Variants in NLGN1 observed in about 807,000 individuals in gnomAD.
NLGN1 encodes neuroligin 1.
NLGN1 carries 12 observed loss-of-function variants against 65.5 expected under a neutral mutation model. That is an observed-to-expected ratio of 0.18 (90% CI 0.12 to 0.30). NLGN1 has a LOEUF of 0.30. Among genes scored for constraint, NLGN1 ranks in the 10% least tolerant of loss-of-function variants. The pLI, the probability that NLGN1 is intolerant of heterozygous loss-of-function variation, is 1.00. For missense variants in NLGN1, 750 were observed against 1,007.1 expected (o/e 0.74, Z 3.46); for synonymous variants, 350 against 359.5 (o/e 0.97, Z 0.30).
chr3:173,575,884 T>C (rs552522514), intron 2 of NLGN1, among the ~76,000 whole-genome samples: 1 of 152,284 alleles, frequency 6.6e-6, no homozygotes, highest in South Asian at 2.1e-4. Flanking sequence ...TTTATCTAGA[T>C]TGTGACAGAG....
intron 4 of NLGN1, among the ~76,000 whole-genome samples, chr3:174,210,792 C>A (rs1736312536): frequency 1.3e-5 from 2 of 152,200 alleles, no homozygotes. Context: ...CAGGACAAAT[C>A]TTCTATATGA....
intron 4 of NLGN1, among the ~76,000 whole-genome samples, chr3:173,901,569 G>T (rs1464679437): frequency 6.6e-6 from 1 of 151,884 alleles, no homozygotes; most frequent in Admixed American, 6.6e-5. Flanking sequence ...CGGTATGTAT[G>T]ATCCTTATTT....
exon 7 of NLGN1, chr3:174,281,204 T>G: frequency 1.2e-6 from 2 of 1,613,228 alleles, no homozygotes; most frequent in Non-Finnish European, 8.5e-7. Context: ...TACCAGGGAT[T>G]CAGCCCTTAC....
chr3:174,053,463 T>A (rs765304184), intron 4 of NLGN1, among the ~76,000 whole-genome samples: 50 of 152,030 alleles, frequency 3.3e-4, no homozygotes, highest in Admixed American at 6.6e-4. Context: ...CATATTTAAT[T>A]GATTCTGTTT....
At chr3:173,438,684 A>G (rs939760479) in intron 2 of NLGN1, among the ~76,000 whole-genome samples, 4 of 152,176 alleles carry the variant, frequency 2.6e-5, no homozygotes, top group Non-Finnish European at 4.4e-5. Context: ...GGGATCATTA[A>G]TAGTCTCTCA....
chr3:174,019,804 C>G lies in NLGN1; in HGVS notation c.646+211972C>G, dbSNP rs4894458. On this transcript the variant is annotated intron_variant, in intron 4 of 6. Coordinates refer to ENST00000457714, the Ensembl canonical transcript of NLGN1. ...TTAGCATTTGGTTTGCATAGTTACG[C>G]ACTAGAACAAATGATTGACTGTAAC... Among the ~76,000 whole-genome samples, 3 of 151,838 alleles carry G rather than the reference C, an allele frequency of 2.0e-5. No individual in the cohort carries two copies. The South Asian group carries it at 6.2e-4, about 31-fold the overall frequency.
chr3:173,597,507 T>G (rs1308457359), intron 2 of NLGN1, among the ~76,000 whole-genome samples: 1 of 152,196 alleles, frequency 6.6e-6, no homozygotes, highest in Non-Finnish European at 1.5e-5. Flanking sequence ...ATTAAGATTC[T>G]CTCTGGTTTC....
chr3:173,938,008 A>G (rs1465446110), intron 4 of NLGN1, among the ~76,000 whole-genome samples: 1 of 152,204 alleles, frequency 6.6e-6, no homozygotes, highest in Admixed American at 6.5e-5. Context: ...CACTTATAAC[A>G]ATAAACATAA....
At chr3:174,174,371 A>C (rs1040385707) in intron 4 of NLGN1, among the ~76,000 whole-genome samples, 1 of 152,034 alleles carries the variant, frequency 6.6e-6, no homozygotes, top group Non-Finnish European at 1.5e-5. Flanking sequence ...TGGTAGTTCT[A>C]CTTTTAGTTG....
Position 173,880,747 on chromosome 3 carries a change from CA to C in NLGN1, c.646+72917del, listed in dbSNP as rs749291927. 4.1e-4 allele frequency among the ~76,000 whole-genome samples: 63 copies of C among 152,186 alleles called. No homozygotes were observed. In the Middle Eastern group the frequency reaches 0.02, roughly 49 times the overall value. On this transcript the variant is annotated intron_variant, in intron 4 of 6. Coordinates refer to ENST00000457714, the Ensembl canonical transcript of NLGN1. ...GCTGCCAAAGCTTGGGTTGCTGTTG[CA>C]ATTTCTTAAAGTAAGACAACAAGGA...
At chr3:173,815,525 A>C (rs747103801) in intron 4 of NLGN1, among the ~76,000 whole-genome samples, 4 of 152,090 alleles carry the variant, frequency 2.6e-5, no homozygotes, top group Non-Finnish European at 5.9e-5. Context: ...AGCACAGGAC[A>C]CAGTTAACCA....
chr3:173,721,857 A>G (rs548064973), intron 3 of NLGN1, among the ~76,000 whole-genome samples: 2 of 151,648 alleles, frequency 1.3e-5, no homozygotes, highest in East Asian at 2.0e-4. Context: ...AGTGGCCCCC[A>G]TTTGGCCAGG....
chr3:173,835,648 G>A (rs1001845611), intron 4 of NLGN1, among the ~76,000 whole-genome samples: 2 of 148,610 alleles, frequency 1.3e-5, no homozygotes, highest in African/African-American at 2.5e-5. Flanking sequence ...TCTCCAAGAA[G>A]ATTTAAAATA....
In NLGN1 at chr3:173,744,971, G is replaced by C. The variant is rs1237998451; in HGVS notation, c.494-62709G>C. 1.3e-5 allele frequency among the ~76,000 whole-genome samples: 2 copies of C among 151,992 alleles called. 1 individual carries two copies. The highest frequency in any genetic ancestry group is 2.9e-5 in the Non-Finnish European group (2 of 68,000). ...TCAGTTGTTCCCAACATTGTTAATA[G>C]ACCGCCTATCTTTCCTTGCACTTAA... On this transcript the variant is annotated intron_variant, in intron 3 of 6. Transcript: ENST00000457714.
chr3:173,779,847 T>C (rs2150312973), intron 3 of NLGN1, among the ~76,000 whole-genome samples: 1 of 152,244 alleles, frequency 6.6e-6, no homozygotes, highest in Middle Eastern at 3.4e-3. Flanking sequence ...TGTAAAATAA[T>C]AAAAAATGTT....
At chr3:174,218,501 A>G (rs1429344947) in intron 4 of NLGN1, among the ~76,000 whole-genome samples, 1 of 148,756 alleles carries the variant, frequency 6.7e-6, no homozygotes, top group African/African-American at 2.6e-5. Flanking sequence ...ACAAACCGAT[A>G]GTTGCTTTTT....
chr3:174,192,257 A>G (rs1156458927), intron 4 of NLGN1, among the ~76,000 whole-genome samples: 1 of 152,204 alleles, frequency 6.6e-6, no homozygotes, highest in African/African-American at 2.4e-5. Flanking sequence ...AAAAAATTCA[A>G]AATATTAAAC....
intron 4 of NLGN1, among the ~76,000 whole-genome samples, chr3:174,133,136 G>T (rs1172799668): frequency 2.0e-5 from 3 of 152,188 alleles, no homozygotes; most frequent in Non-Finnish European, 4.4e-5. Flanking sequence ...AAAACACAAG[G>T]ATATTTGGCA....
At chr3:173,485,899 C>G (rs1728092576) in intron 2 of NLGN1, among the ~76,000 whole-genome samples, 1 of 152,032 alleles carries the variant, frequency 6.6e-6, no homozygotes, top group South Asian at 2.1e-4. Context: ...GCTAAATAGT[C>G]CAGGAAATGT....
Sources: allele counts gnomAD v4.1 joint callset (sites outside exome capture counted in the v4.1 genomes callset), GRCh38; gene constraint gnomAD v4.1.1; transcripts MANE v1.5; gene names NCBI Gene and HGNC (gene_info 2026-07-23, HGNC 2026-07-21).